SRGAP2B: variants seen among roughly 807,000 people sequenced by gnomAD.
SRGAP2B encodes SLIT-ROBO Rho GTPase activating protein 2B, also known as SLIT-ROBO Rho GTPase-activating protein 2B.
A neutral mutation model predicts 22.2 loss-of-function variants in SRGAP2B; 9 were observed. That is an observed-to-expected ratio of 0.41 (90% confidence interval 0.24 to 0.71). The LOEUF (loss-of-function observed/expected upper bound fraction) is 0.71, where lower values mean the gene tolerates loss of function less well. Ranked by LOEUF, SRGAP2B falls within the 30% of genes least tolerant of loss-of-function variation. The pLI is 0.35. For missense variants in SRGAP2B, 114 were observed against 235.8 expected (o/e 0.48, Z 3.38); for synonymous variants, 36 against 87.4 (o/e 0.41, Z 3.28).
chr1:144,925,739 GA>G (rs1664648994), intron 4 of SRGAP2B, among the ~76,000 whole-genome samples: 1 of 101,364 alleles, frequency 9.9e-6, no homozygotes, highest in Non-Finnish European at 2.1e-5. Flanking sequence ...AAGAAAGAAA[GA>G]AAGAAAGAAA....
chr1:145,009,346 T>C lies in SRGAP2B; in HGVS notation c.68-14146A>G, dbSNP rs797031152. On this transcript the variant is annotated intron_variant, in intron 2 of 9. Transcript: ENST00000612199. ...GCTCACGCCTGTAATCCCAGCACTTTGGGAGGCCGAGGCGGGCGGATCACG... is the reference window on the plus strand; with the variant it reads ...GCTCACGCCTGTAATCCCAGCACTTCGGGAGGCCGAGGCGGGCGGATCACG... 2.7e-5 allele frequency among the ~76,000 whole-genome samples: 4 copies of C among 150,098 alleles called. No homozygotes were observed. The South Asian group carries it at 6.2e-4, about 23-fold the overall frequency.
At chr1:144,916,056 C>T (rs1663866717) in intron 4 of SRGAP2B, among the ~76,000 whole-genome samples, 1 of 148,984 alleles carries the variant, frequency 6.7e-6, no homozygotes, top group Non-Finnish European at 1.5e-5. Flanking sequence ...TTTCAAGGTA[C>T]ATACATCTCT....
At chr1:144,914,298 CCTAGAACAATAA>C (rs1553603420) in intron 5 of SRGAP2B, among the ~76,000 whole-genome samples, 1 of 150,810 alleles carries the variant, frequency 6.6e-6, no homozygotes, top group East Asian at 1.9e-4. Flanking sequence ...TGATGAAAAA[CCTAGAACAATAA>C]AGCCTTTCCG....
Position 145,089,183 on chromosome 1 carries a change from C to T in SRGAP2B, c.67+3652G>A, listed in dbSNP as rs190887834. ...TGAACCAATCCCCTGAGGATACTGA[C>T]GGACAACTACATATAAAAGCATAAT... On this transcript the variant is annotated intron_variant, in intron 2 of 9. Transcript: ENST00000612199. Among the ~76,000 whole-genome samples the T allele has an allele frequency of 6.4e-4, 97 of 150,726 alleles. 4 individuals are homozygous for T. Among genetic ancestry groups the T allele is most frequent in the East Asian group, 2.3e-3 (12 of 5,152 alleles).
At chr1:145,090,626 A>AT (rs1653900991) in intron 2 of SRGAP2B, among the ~76,000 whole-genome samples, 1 of 127,570 alleles carries the variant, frequency 7.8e-6, no homozygotes, top group Non-Finnish European at 1.6e-5. Context: ...CTCCTTAAGA[A>AT]TTTTTTATTT....
At chr1:144,993,347 G>C (rs1341014195) in intron 3 of SRGAP2B, among the ~76,000 whole-genome samples, 1 of 150,954 alleles carries the variant, frequency 6.6e-6, no homozygotes, top group Non-Finnish European at 1.5e-5. Context: ...TAGGACCTGA[G>C]ATACTGCATT....
intron 2 of SRGAP2B, among the ~76,000 whole-genome samples, chr1:145,013,091 A>AT (rs1422211706): frequency 6.6e-6 from 1 of 150,944 alleles, no homozygotes. Flanking sequence ...TCCAAAAAAA[A>AT]GTGTGATGAT....
At chr1:145,009,519 C>T (rs1262240319) in intron 2 of SRGAP2B, among the ~76,000 whole-genome samples, 2 of 144,446 alleles carry the variant, frequency 1.4e-5, no homozygotes, top group East Asian at 4.0e-4. Context: ...ACCCGGGAGG[C>T]GGAGCTTGCA....
intron 3 of SRGAP2B, among the ~76,000 whole-genome samples, chr1:144,976,669 G>A (rs1321212399): frequency 6.9e-6 from 1 of 145,028 alleles, no homozygotes; most frequent in Admixed American, 6.7e-5. Context: ...CTCAAAGAAC[G>A]ATGGGGACAT....
At chr1:144,910,542 G>C (rs1241396145) in intron 5 of SRGAP2B, among the ~76,000 whole-genome samples, 1 of 149,648 alleles carries the variant, frequency 6.7e-6, no homozygotes, top group South Asian at 2.1e-4. Flanking sequence ...AATTTAGGGG[G>C]AGTACAGAAG....
intron 3 of SRGAP2B, among the ~76,000 whole-genome samples, chr1:144,956,710 A>T (rs1553610393): frequency 6.7e-6 from 1 of 150,314 alleles, no homozygotes; most frequent in Non-Finnish European, 1.5e-5. Flanking sequence ...GGCCTCCCAA[A>T]GTGCTGGGAT....
chr1:144,905,806 A>G lies in SRGAP2B; in HGVS notation c.702+53T>C, dbSNP rs1179915754. ...GACTGTTGGGAAATTCCTATCAGCCATGCCTTACCGAATGTTGCTTCCCAG... is the reference window on the plus strand; with the variant it reads ...GACTGTTGGGAAATTCCTATCAGCCGTGCCTTACCGAATGTTGCTTCCCAG... On this transcript the variant is annotated intron_variant, in intron 6 of 9. Transcript: ENST00000612199. 8.5e-6 allele frequency: 6 copies of G among 708,632 alleles called. No homozygotes were observed. In the Admixed American group the frequency reaches 1.2e-4, roughly 14 times the overall value. 43.9% of individuals were successfully genotyped at this position (708,632 alleles called of 1,614,324 possible). A position where few individuals can be genotyped will look rare whatever the true frequency, so the allele number is the denominator to read the frequency against.
At chr1:144,907,281 ACT>A (rs1663065728) in intron 5 of SRGAP2B, among the ~76,000 whole-genome samples, 2 of 150,546 alleles carry the variant, frequency 1.3e-5, no homozygotes, top group South Asian at 2.1e-4. Flanking sequence ...TCTTACAATA[ACT>A]CTGTGAAAGA....
chr1:144,925,573 G>A (rs1324647931), intron 4 of SRGAP2B, among the ~76,000 whole-genome samples: 1 of 143,264 alleles, frequency 7.0e-6, no homozygotes, highest in East Asian at 2.0e-4. Context: ...GAACCCAGGA[G>A]GCAGAGGTTG....
At chr1:144,984,389 C>T (rs1424832891) in intron 3 of SRGAP2B, among the ~76,000 whole-genome samples, 1 of 142,578 alleles carries the variant, frequency 7.0e-6, no homozygotes, top group Non-Finnish European at 1.5e-5. Flanking sequence ...CAAAAAAGCC[C>T]CTCTCTATTT....
intron 7 of SRGAP2B, among the ~76,000 whole-genome samples, chr1:144,902,679 G>A (rs1395045500): frequency 1.2e-4 from 18 of 145,198 alleles, no homozygotes; most frequent in African/African-American, 2.8e-4. Context: ...GGAGAATGGC[G>A]TGAACCTGGG....
chr1:145,026,094 C>CAATTT (rs1416566675), intron 2 of SRGAP2B, among the ~76,000 whole-genome samples: 14 of 82,728 alleles, frequency 1.7e-4, no homozygotes, highest in Non-Finnish European at 3.0e-4. Flanking sequence ...AATTGCTGGG[C>CAATTT]ACAGTGGCTC....
At chr1:144,940,799 CAAAA>C (rs71249180) in intron 4 of SRGAP2B, among the ~76,000 whole-genome samples, 1 of 83,398 alleles carries the variant, frequency 1.2e-5, no homozygotes, top group African/African-American at 4.7e-5. Context: ...ACTCCATCTC[CAAAA>C]AAAAAAAAAA....
intron 4 of SRGAP2B, among the ~76,000 whole-genome samples, chr1:144,924,731 C>CAAAAAAAA (rs1156257790): frequency 1.7e-5 from 1 of 58,196 alleles, no homozygotes; most frequent in Non-Finnish European, 3.3e-5. Context: ...AACTCCGTCT[C>CAAAAAAAA]AAAAAAAAAA....
Sources: allele counts gnomAD v4.1 joint callset (sites outside exome capture counted in the v4.1 genomes callset), GRCh38; gene constraint gnomAD v4.1.1; transcripts MANE v1.5; gene names NCBI Gene and HGNC (gene_info 2026-07-23, HGNC 2026-07-21).